Variants in PCGF3 observed in about 807,000 individuals in gnomAD.
PCGF3 encodes polycomb group ring finger 3.
PCGF3 carries 7 observed loss-of-function variants against 33.1 expected under a neutral mutation model. The ratio of observed to expected loss-of-function variants is 0.21; its 90% CI spans 0.12 to 0.40. The LOEUF is 0.40. Ranked by LOEUF, PCGF3 falls within the 10% of genes least tolerant of loss-of-function variation. The pLI is 1.00. For missense variants in PCGF3, 211 were observed against 313.3 expected (o/e 0.67, Z 2.46); for synonymous variants, 153 against 121.3 (o/e 1.26, Z -1.72).
chr4:761,695 T>C (rs1427915000), intron 9 of PCGF3: 1 of 985,276 alleles, frequency 1.0e-6, no homozygotes, highest in African/African-American at 1.7e-5. Context: ...AAGGTTTTCC[T>C]CAAAACGAGA....
intron 1 of PCGF3, among the ~76,000 whole-genome samples, chr4:717,134 GA>G (rs1409141954): frequency 2.1e-5 from 1 of 47,868 alleles, no homozygotes; most frequent in Admixed American, 1.6e-4. Context: ...TGTGAGAACT[GA>G]GCGTCGGTGC....
intron 8 of PCGF3, among the ~76,000 whole-genome samples, chr4:752,693 AC>A (rs988763001): frequency 6.6e-6 from 1 of 151,754 alleles, no homozygotes; most frequent in African/African-American, 2.4e-5. Flanking sequence ...ATGGACTTCG[AC>A]CCCTGTGTGT....
intron 3 of PCGF3, among the ~76,000 whole-genome samples, chr4:733,030 C>T (rs2109607725): frequency 6.6e-6 from 1 of 152,098 alleles, no homozygotes; most frequent in South Asian, 2.1e-4. Context: ...ATTGTGCCCA[C>T]CCTGTGAGGG....
chr4:712,736 G>C (rs1742629259), intron 1 of PCGF3, among the ~76,000 whole-genome samples: 2 of 152,204 alleles, frequency 1.3e-5, no homozygotes, highest in Non-Finnish European at 2.9e-5. Context: ...GTGAGCCACC[G>C]CGCCCGGCCA....
chr4:751,615 A>AT (rs920248136), intron 8 of PCGF3, among the ~76,000 whole-genome samples: 1 of 151,556 alleles, frequency 6.6e-6, no homozygotes, highest in Non-Finnish European at 1.5e-5. Flanking sequence ...AATACTAAGC[A>AT]TTAAAAAAAA....
exon 7 of PCGF3, chr4:743,475 G>A (rs1411817612): frequency 2.5e-6 from 4 of 1,601,828 alleles, no homozygotes; most frequent in South Asian, 1.1e-5. Flanking sequence ...TTTCCGCAGC[G>A]GAAATGAGAA....
chr4:763,512 C>T (rs889267350), intron 9 of PCGF3, among the ~76,000 whole-genome samples: 8 of 152,318 alleles, frequency 5.3e-5, no homozygotes, highest in African/African-American at 1.9e-4. Flanking sequence ...CAGGGAAACG[C>T]AAGGAAAACT....
intron 1 of PCGF3, among the ~76,000 whole-genome samples, chr4:718,259 G>A (rs34910327): frequency 0.19 from 28,465 of 152,034 alleles, 3,118 homozygotes; most frequent in Admixed American, 0.31. Flanking sequence ...GGGGGTCTGT[G>A]GGGTAGCCCC....
intron 5 of PCGF3, among the ~76,000 whole-genome samples, chr4:736,709 C>T (rs1210584370): frequency 6.6e-6 from 1 of 150,606 alleles, no homozygotes; most frequent in African/African-American, 2.4e-5. Flanking sequence ...GGGGTGTCCG[C>T]AGGGACGGTG....
rs1416589878 is a variant in PCGF3 at position 759,914 on chromosome 4, C to T, written c.463-1365C>T. 3.4e-5 allele frequency among the ~76,000 whole-genome samples: 5 copies of T among 145,890 alleles called. 1 individual carries two copies. Among genetic ancestry groups the T allele is most frequent in the Non-Finnish European group, 7.6e-5 (5 of 66,022 alleles). The stretch of plus-strand genomic sequence containing the variant: ...CTTTCTCCCCGCGCGGCCCCTCTCC[C>T]GAGTTCTTCTCCTTCCGGACTCCGG... On this transcript the variant is annotated intron_variant, in intron 8 of 10. Transcript: ENST00000362003.
intron 3 of PCGF3, chr4:731,462 C>A: frequency 3.2e-6 from 1 of 311,406 alleles, no homozygotes; most frequent in South Asian, 9.0e-5. Flanking sequence ...GCAGGGAGGT[C>A]CTCAGGGGCG....
chr4:707,248 G>A (rs966624973), intron 1 of PCGF3, among the ~76,000 whole-genome samples: 5 of 151,636 alleles, frequency 3.3e-5, no homozygotes, highest in African/African-American at 9.7e-5. Flanking sequence ...GAAGAATCAC[G>A]GAGGAGGGCC....
rs1743011345 is a variant in PCGF3 at position 720,087 on chromosome 4, G to T, written c.-189-10543G>T. Reference sequence around the variant, plus strand: ...GCAGAGCCCGTTGGTGAAGGCAGGGGTGCCTCTGGCATCGACTGGATGGCC... The same window carrying T: ...GCAGAGCCCGTTGGTGAAGGCAGGGTTGCCTCTGGCATCGACTGGATGGCC... On this transcript the variant is annotated intron_variant, in intron 1 of 10. Coordinates refer to ENST00000362003, the Ensembl canonical transcript of PCGF3. This position sits in a 1 kb window ranked among gnomAD's most constrained non-coding sequence, Gnocchi z 5.6. 1.3e-5 allele frequency among the ~76,000 whole-genome samples: 2 copies of T among 152,194 alleles called. No individual in the cohort carries two copies. Among genetic ancestry groups the T allele is most frequent in the South Asian group, 2.1e-4 (1 of 4,830 alleles).
chr4:750,310 T>C (rs9332466), intron 8 of PCGF3, among the ~76,000 whole-genome samples: 34,955 of 152,180 alleles, frequency 0.23, 4,626 homozygotes, highest in Admixed American at 0.34. Context: ...CTAGTCTCCT[T>C]CCCGGGCGGT....
rs766006549 is a variant in PCGF3, at chr4:743,598, G to C, written c.373+14G>C. On this transcript the variant is annotated intron_variant, in intron 7 of 10. Coordinates refer to ENST00000362003, the Ensembl canonical transcript of PCGF3. The stretch of plus-strand genomic sequence containing the variant: ...CCCATCGGAATGGTGAGTGCCCTGC[G>C]TGCCCATCCAGAAGCCCCGGGAATC... 2 of 1,492,116 alleles carry C rather than the reference G, an allele frequency of 1.3e-6. No individual in the cohort carries two copies. The highest frequency in any genetic ancestry group is 1.1e-5 in the South Asian group (1 of 88,442). 92.4% of individuals were successfully genotyped at this position (1,492,116 alleles called of 1,614,324 possible).
intron 6 of PCGF3, among the ~76,000 whole-genome samples, chr4:740,227 C>T (rs1049397808): frequency 6.6e-6 from 1 of 152,240 alleles, no homozygotes; most frequent in African/African-American, 2.4e-5. Flanking sequence ...GACGCCAACA[C>T]GGTCCTGCCC....
chr4:729,241 CCT>C (rs961090395), intron 1 of PCGF3, among the ~76,000 whole-genome samples: 1 of 151,208 alleles, frequency 6.6e-6, no homozygotes, highest in Non-Finnish European at 1.5e-5. Flanking sequence ...AGACTGAGAC[CCT>C]GTCTCTACTA....
chr4:742,782 C>A (rs544655336), intron 6 of PCGF3, among the ~76,000 whole-genome samples: 1 of 152,358 alleles, frequency 6.6e-6, no homozygotes, highest in East Asian at 1.9e-4. Context: ...GAATTTGTGC[C>A]TGTGGCTGTG....
At chr4:764,390 G>C (rs911300932) in intron 9 of PCGF3, 6 of 152,466 alleles carry the variant, frequency 3.9e-5, no homozygotes, top group African/African-American at 1.4e-4. Context: ...TGGGGAGAGG[G>C]TGCCCCTGGA....
Sources: allele counts gnomAD v4.1 joint callset (sites outside exome capture counted in the v4.1 genomes callset), GRCh38; gene constraint gnomAD v4.1.1; non-coding constraint Gnocchi (gnomAD v3.1); transcripts MANE v1.5; gene names NCBI Gene and HGNC (gene_info 2026-07-23, HGNC 2026-07-21).